Variants in LHX6 observed in about 807,000 individuals in gnomAD.
The protein encoded by LHX6 is LIM/homeobox protein Lhx6.
LHX6 carries 15 observed loss-of-function variants against 47.1 expected under a neutral mutation model. That is an observed-to-expected ratio of 0.32 (90% confidence interval 0.21 to 0.49). The LOEUF (loss-of-function observed/expected upper bound fraction) is 0.49, where lower values mean the gene tolerates loss of function less well. LHX6 is among the 20% of genes least tolerant of loss of function. The probability of loss-of-function intolerance (pLI) is 0.99; values close to 1 mark genes in which losing one functional copy is unlikely to be tolerated. For synonymous variants in LHX6, 242 were observed against 233.5 expected (o/e 1.04, Z -0.33); for missense variants, 404 against 539.6 (o/e 0.75, Z 2.49).
intron 9 of LHX6, among the ~76,000 whole-genome samples, chr9:122,205,496 C>G (rs1830143649): frequency 6.6e-6 from 1 of 152,194 alleles, no homozygotes; most frequent in Non-Finnish European, 1.5e-5. Flanking sequence ...GCTGACACAG[C>G]CAGTTCCCTG....
intron 4 of LHX6, among the ~76,000 whole-genome samples, chr9:122,225,455 T>C (rs960661511): frequency 6.6e-6 from 1 of 152,244 alleles, no homozygotes; most frequent in Non-Finnish European, 1.5e-5. Flanking sequence ...CCGGGCTTCA[T>C]GGCTAGAAGC....
At chr9:122,212,593 A>G (rs1343602596) in intron 8 of LHX6, among the ~76,000 whole-genome samples, 1 of 152,154 alleles carries the variant, frequency 6.6e-6, no homozygotes, top group Non-Finnish European at 1.5e-5. Context: ...ACAATCTGTG[A>G]TAGGCACCTG....
rs554051358 is a variant in LHX6, at chr9:122,227,317, G to A, written c.156+92C>T. The A allele has an allele frequency of 3.7e-5, 46 of 1,255,998 alleles. No individual in the cohort carries two copies. In the South Asian group the frequency reaches 4.7e-4, roughly 13 times the overall value. 77.8% of individuals were successfully genotyped at this position (1,255,998 alleles called of 1,614,324 possible). On this transcript the variant is annotated intron_variant, in intron 2 of 9. Transcript: ENST00000394319. ...GCCCGCCGGGAGTCCCCCAGAGCGT[G>A]AGCAGCAGTTCGTGGCCGGAAAACC... is the stretch of plus-strand genomic sequence containing the variant.
At chr9:122,220,993 C>A (rs1331112211) in intron 4 of LHX6, 3 of 696,228 alleles carry the variant, frequency 4.3e-6, no homozygotes, top group South Asian at 6.4e-5. Flanking sequence ...TATTAAGCTA[C>A]CCCTTTTCTG....
chr9:122,210,532 G>T (rs1268976120), intron 8 of LHX6, among the ~76,000 whole-genome samples: 1 of 151,984 alleles, frequency 6.6e-6, no homozygotes, highest in East Asian at 1.9e-4. Flanking sequence ...CTTCCTCCCG[G>T]CTTTATTTCC....
intron 1 of LHX6, chr9:122,227,949 T>TCCGGGGGGGCGCCCCCCCCCCCCCCCCCC: frequency 5.7e-6 from 1 of 176,980 alleles, no homozygotes; most frequent in East Asian, 1.8e-4. Context: ...TTTTTCTCTC[T>TCCGGGGGGGCGCCCCCCCCCCCCCCCCCC]CCACCCGCCC....
At chr9:122,220,650 C>T (rs752071702) in intron 4 of LHX6, among the ~76,000 whole-genome samples, 4 of 152,244 alleles carry the variant, frequency 2.6e-5, no homozygotes, top group African/African-American at 9.6e-5. Flanking sequence ...CTGTGAGGTC[C>T]GGGCCTTGCG....
At position 122,213,566 on chromosome 9, in the gene LHX6, C is replaced by T. The variant is rs1018946172; in HGVS notation, c.1054+40G>A. On this transcript the variant is annotated intron_variant, in intron 8 of 9. Transcript: ENST00000394319. The surrounding 1 kb of genome is among the most constrained non-coding windows in gnomAD (Gnocchi z 5.5). ...CCACGTGCGCTCCTCCGCGCCCCCT[C>T]CCCGCAGGCCCAGCGGCTCCCGGCG... is the stretch of plus-strand genomic sequence containing the variant. 3 of 1,510,392 alleles carry T rather than the reference C, an allele frequency of 2.0e-6. No homozygotes were observed. The highest frequency in any genetic ancestry group is 2.8e-5 in the African/African-American group (2 of 72,272). The allele number at this position is 1,510,392 out of a possible 1,614,324, so 93.6% of individuals were successfully genotyped here.
intron 1 of LHX6, chr9:122,228,432 TC>T: frequency 1.4e-6 from 2 of 1,459,772 alleles, no homozygotes; most frequent in Non-Finnish European, 1.8e-6. Flanking sequence ...CTTTACTAAA[TC>T]GCTTTTTGAG....
At chr9:122,220,591 CA>C in intron 4 of LHX6, among the ~76,000 whole-genome samples, 1 of 152,254 alleles carries the variant, frequency 6.6e-6, no homozygotes, top group East Asian at 1.9e-4. Flanking sequence ...GAACTGCCAC[CA>C]GAGCACCAAA....
chr9:122,227,718 C>A, intron 1 of LHX6: 1 of 808,142 alleles, frequency 1.2e-6, no homozygotes, highest in Non-Finnish European at 1.7e-6. Flanking sequence ...TAACCCGTGG[C>A]TCTTGAAGTA....
chr9:122,217,411 A>T lies in LHX6; in HGVS notation c.462-123T>A. On this transcript the variant is annotated intron_variant, in intron 4 of 9. Coordinates refer to ENST00000394319, the MANE Select transcript of LHX6 (RefSeq NM_014368.5). This position sits in a 1 kb window ranked among gnomAD's most constrained non-coding sequence, Gnocchi z 4.9. Reference sequence around the variant, plus strand: ...CCTCTAAGTCTTCAACTCAGGCATTAGCCTTAGCTTGGACGCAACAACACT... The same window carrying T: ...CCTCTAAGTCTTCAACTCAGGCATTTGCCTTAGCTTGGACGCAACAACACT... 1 of 716,778 alleles carries T rather than the reference A, an allele frequency of 1.4e-6. No homozygotes were observed. The allele number at this position is 716,778 out of a possible 1,614,324, so 44.4% of individuals were successfully genotyped here. A position where few individuals can be genotyped will look rare whatever the true frequency, so the allele number is the denominator to read the frequency against.
chr9:122,217,002 G>A lies in LHX6; in HGVS notation c.682+66C>T. 7.3e-6 allele frequency: 10 copies of A among 1,378,414 alleles called. 1 individual carries two copies. The South Asian group carries it at 1.3e-4, about 17-fold the overall frequency. The allele number at this position is 1,378,414 out of a possible 1,614,324, so 85.4% of individuals were successfully genotyped here. A position where few individuals can be genotyped will look rare whatever the true frequency, so the allele number is the denominator to read the frequency against. On this transcript the variant is annotated intron_variant, in intron 5 of 9. Coordinates refer to ENST00000394319, the MANE Select transcript of LHX6 (RefSeq NM_014368.5). This position sits in a 1 kb window ranked among gnomAD's most constrained non-coding sequence, Gnocchi z 4.9. ...TAGAGGAGTGTGGGTGGTTCCTGGG[G>A]TGCTGGGGTGGGGTGGGGTGGGAAA... is the stretch of plus-strand genomic sequence containing the variant.
chr9:122,228,807 G>A lies in LHX6; in HGVS notation c.-67C>T, dbSNP rs1831221409. The A allele has an allele frequency of 1.9e-6, 2 of 1,054,970 alleles. No homozygotes were observed. The highest frequency in any genetic ancestry group is 3.6e-4 in the Middle Eastern group (1 of 2,802). 65.4% of individuals were successfully genotyped at this position (1,054,970 alleles called of 1,614,324 possible). A position where few individuals can be genotyped will look rare whatever the true frequency, so the allele number is the denominator to read the frequency against. ...AGCTGCGCCGAGGGGGACCACAGCC[G>A]CAGTGGGAGCAGAGGCTGCTGCAGG... On this transcript the variant is annotated 5_prime_UTR_variant, in exon 1 of 10. Transcript: ENST00000394319.
chr9:122,212,646 C>T (rs1026213185), intron 8 of LHX6, among the ~76,000 whole-genome samples: 6 of 152,136 alleles, frequency 3.9e-5, no homozygotes, highest in East Asian at 1.9e-4. Flanking sequence ...CAGAAATCCC[C>T]GGGGCTCCTC....
In LHX6 at chr9:122,208,396, C is replaced by A. The variant is rs537843735; in HGVS notation, c.1158+1218G>T. Reference sequence around the variant, plus strand: ...CACACTGTATTGTAACTGTTGGGATCTGCCTCCCCCTCCAGACTCTGGCCT... The same window carrying A: ...CACACTGTATTGTAACTGTTGGGATATGCCTCCCCCTCCAGACTCTGGCCT... On this transcript the variant is annotated intron_variant, in intron 9 of 9. Coordinates refer to ENST00000394319, the MANE Select transcript of LHX6 (RefSeq NM_014368.5). Among the ~76,000 whole-genome samples, 16 of 152,264 alleles carry A rather than the reference C, an allele frequency of 1.1e-4. No individual in the cohort carries two copies. In the South Asian group the frequency reaches 3.1e-3, roughly 30 times the overall value.
At position 122,227,070 on chromosome 9, in the gene LHX6, C is replaced by A. The variant is rs1261704507; in HGVS notation, c.157-40G>T. On this transcript the variant is annotated intron_variant, in intron 2 of 9. Coordinates refer to ENST00000394319, the MANE Select transcript of LHX6 (RefSeq NM_014368.5). ...AGAAGGAGAGGAGCGCTGATCCGGGCACCCAGAGTTGGGGCTGCCTTGGAG... is the reference window on the plus strand; with the variant it reads ...AGAAGGAGAGGAGCGCTGATCCGGGAACCCAGAGTTGGGGCTGCCTTGGAG... 6 of 1,443,672 alleles carry A rather than the reference C, an allele frequency of 4.2e-6. No individual in the cohort carries two copies. The African/African-American group carries it at 4.3e-5, about 10-fold the overall frequency. The allele number at this position is 1,443,672 out of a possible 1,614,324, so 89.4% of individuals were successfully genotyped here. A position where few individuals can be genotyped will look rare whatever the true frequency, so the allele number is the denominator to read the frequency against.
chr9:122,213,861 C>G lies in LHX6; in HGVS notation c.880-81G>C, dbSNP rs1830484425. On this transcript the variant is annotated intron_variant, in intron 7 of 9. Transcript: ENST00000394319. This position sits in a 1 kb window ranked among gnomAD's most constrained non-coding sequence, Gnocchi z 5.5. The stretch of plus-strand genomic sequence containing the variant: ...CGGGAGACCCCAGGCGGGACTGCCT[C>G]GTCGCCTCCTGGAGAAGGATGGCCA... The G allele has an allele frequency of 2.0e-6, 3 of 1,524,434 alleles. No homozygotes were observed. Among genetic ancestry groups the G allele is most frequent in the Non-Finnish European group, 1.8e-6 (2 of 1,129,282 alleles). The allele number at this position is 1,524,434 out of a possible 1,614,324, so 94.4% of individuals were successfully genotyped here.
chr9:122,217,195 G>A lies in LHX6; in HGVS notation c.555C>T (p.Cys185=). 5 of 1,614,240 alleles carry A rather than the reference G, an allele frequency of 3.1e-6. No homozygotes were observed. The highest frequency in any genetic ancestry group is 4.2e-6 in the Non-Finnish European group (5 of 1,180,044). ...RARGNAYHLA[C]FACFSCKRQL... is the part of the protein sequence containing the mutation. ...GGCGCTTGCACGAGAAGCAGGCGAAGCAGGCCAGGTGGTAGGCGTTGCCGC... is the reference window on the plus strand; with the variant it reads ...GGCGCTTGCACGAGAAGCAGGCGAAACAGGCCAGGTGGTAGGCGTTGCCGC... Residue 185 remains cysteine, a synonymous_variant, in exon 5 of 10, where the codon TGC becomes TGT. Coordinates refer to ENST00000394319, the MANE Select transcript of LHX6 (RefSeq NM_014368.5). This position sits in a 1 kb window ranked among gnomAD's most constrained non-coding sequence, Gnocchi z 4.9.
Sources: allele counts gnomAD v4.1 joint callset (sites outside exome capture counted in the v4.1 genomes callset), GRCh38; gene constraint gnomAD v4.1.1; non-coding constraint Gnocchi (gnomAD v3.1); transcripts MANE v1.5; gene names NCBI Gene and HGNC (gene_info 2026-07-23, HGNC 2026-07-21).